Variants in PSME4 observed in about 807,000 individuals in gnomAD.
PSME4 encodes the protein proteasome activator subunit 4, also known as proteasome activator complex subunit 4.
A neutral mutation model predicts 253.9 loss-of-function variants in PSME4; 89 were observed. That is an observed-to-expected ratio of 0.35 (90% CI 0.30 to 0.42). The LOEUF (loss-of-function observed/expected upper bound fraction) is 0.42, where lower values mean the gene tolerates loss of function less well. PSME4 is among the 10% of genes least tolerant of loss of function. The pLI is 1.00. For synonymous variants in PSME4, 851 were observed against 759.2 expected (o/e 1.12, Z -1.99); for missense variants, 2,014 against 2,195.2 (o/e 0.92, Z 1.65).
intron 32 of PSME4, among the ~76,000 whole-genome samples, chr2:53,896,440 A>G (rs1194204740): frequency 6.6e-6 from 1 of 152,206 alleles, no homozygotes; most frequent in Non-Finnish European, 1.5e-5. Flanking sequence ...TTCTTCTGAA[A>G]AATTCTGGTA....
At chr2:53,919,084 C>A in intron 20 of PSME4, 67 bp downstream of exon 20, 1 of 1,454,936 alleles carries the variant, frequency 6.9e-7, no homozygotes. Context: ...CAACAACAAA[C>A]CAATAACTCA....
intron 1 of PSME4, among the ~76,000 whole-genome samples, chr2:53,960,851 T>A (rs1232783766): frequency 6.6e-6 from 1 of 152,212 alleles, no homozygotes; most frequent in Non-Finnish European, 1.5e-5. Flanking sequence ...CTCATACCTG[T>A]AATCCCAGCA....
At chr2:53,892,624 T>C (rs575590681) in intron 36 of PSME4, among the ~76,000 whole-genome samples, 184 bp downstream of exon 36, 7 of 152,308 alleles carry the variant, frequency 4.6e-5, no homozygotes, top group Non-Finnish European at 7.4e-5. Flanking sequence ...TTAAAGATAG[T>C]AAATGTTCCT....
At position 53,940,007 on chromosome 2, in the gene PSME4, G is replaced by A. The variant is rs1022490483; in HGVS notation, c.501-7C>T. ...GAGAATATTTTCTACAGAACTGGGG[G>A]GGGAAAGCCATTTGATAATTAGATT... On this transcript the variant is annotated splice_region_variant and splice_polypyrimidine_tract_variant and intron_variant, in intron 3 of 46. Transcript: ENST00000404125. 21 of 1,564,736 alleles carry A rather than the reference G, an allele frequency of 1.3e-5. No individual in the cohort carries two copies. In the East Asian group the frequency reaches 3.4e-4, roughly 25 times the overall value.
At chr2:53,916,799 C>G (rs1161792647) in intron 20 of PSME4, among the ~76,000 whole-genome samples, 1 of 151,790 alleles carries the variant, frequency 6.6e-6, no homozygotes, top group Non-Finnish European at 1.5e-5. Context: ...CTATACTTTG[C>G]CAAAATAAAG....
At position 53,876,716 on chromosome 2, in the gene PSME4, C is replaced by CTTTTTTTTTTTTTTTTTTTTTTTTT. The variant is rs10599430; in HGVS notation, c.4816-962_4816-961insAAAAAAAAAAAAAAAAAAAAAAAAA. On this transcript the variant is annotated intron_variant, in intron 41 of 46. Coordinates refer to ENST00000404125, the MANE Select transcript of PSME4 (RefSeq NM_014614.3). Reference sequence around the variant, plus strand: ...TCTGATGGCTGTAGCCACTGTCATTCTTTTTTTTTTTTTTTTTTTTGAGAC... The same window carrying CTTTTTTTTTTTTTTTTTTTTTTTTT: ...TCTGATGGCTGTAGCCACTGTCATTCTTTTTTTTTTTTTTTTTTTTTTTTTTTTTTTTTTTTTTTTTTTTTGAGAC... Among the ~76,000 whole-genome samples the CTTTTTTTTTTTTTTTTTTTTTTTTT allele has an allele frequency of 2.4e-3, 232 of 97,826 alleles. 32 individuals carry two copies. The highest frequency in any genetic ancestry group is 5.4e-3 in the East Asian group (13 of 2,390). The allele number at this position is 97,826 out of a possible 152,430, so 64.2% of individuals were successfully genotyped here.
chr2:53,920,350 C>A lies in PSME4; in HGVS notation c.2263G>T (p.Asp755Tyr). The A allele has an allele frequency of 6.2e-7, 1 of 1,607,952 alleles. No homozygotes were observed. Among genetic ancestry groups the A allele is most frequent in the Non-Finnish European group, 8.5e-7 (1 of 1,176,994 alleles). The change falls in exon 19 of 47, where the codon GAC (aspartate) becomes TAC (tyrosine). Residue 755 changes from aspartate (D) to tyrosine (Y), a missense_variant and splice_region_variant. Physicochemically the swap from Asp to Tyr is radical, Grantham distance 160. Transcript: ENST00000404125. Reference sequence around the variant, plus strand: ...CACAAGTCCCCGGGTTTGCCCCAGTCCTAGAAGAGAACAGCATCTACTCAG... The same window carrying A: ...CACAAGTCCCCGGGTTTGCCCCAGTACTAGAAGAGAACAGCATCTACTCAG... ...KPPSEYFPIK[D>Y]WGKPGDLWNL...
At chr2:53,866,424 A>G (rs545318850) in intron 45 of PSME4, among the ~76,000 whole-genome samples, 1 of 152,356 alleles carries the variant, frequency 6.6e-6, no homozygotes, top group Admixed American at 6.5e-5. Context: ...TTCCTATTTA[A>G]TATTAGCTTC....
In PSME4 at chr2:53,895,558, A is replaced by T. The variant is rs368417276; in HGVS notation, c.3842+25T>A. The T allele has an allele frequency of 1.6e-5, 26 of 1,583,140 alleles. No homozygotes were observed. The African/African-American group carries it at 3.5e-4, about 21-fold the overall frequency. ...GCAGTTATATCAAAGGCATTTAATGATAAGGTGCACAGTAAGTTACTTACT... is the reference window on the plus strand; with the variant it reads ...GCAGTTATATCAAAGGCATTTAATGTTAAGGTGCACAGTAAGTTACTTACT... On this transcript the variant is annotated intron_variant, in intron 33 of 46. Coordinates refer to ENST00000404125, the MANE Select transcript of PSME4 (RefSeq NM_014614.3).
intron 20 of PSME4, among the ~76,000 whole-genome samples, chr2:53,915,740 T>C (rs186745659): frequency 2.6e-5 from 4 of 152,222 alleles, no homozygotes; most frequent in South Asian, 4.1e-4. Flanking sequence ...GCTAGAATTT[T>C]ATCTAAGATT....
In PSME4 at chr2:53,908,741, T is replaced by G. The variant is rs557192026; in HGVS notation, c.2629+43A>C. The G allele has an allele frequency of 1.1e-5, 16 of 1,514,464 alleles. No homozygotes were observed. In the East Asian group the frequency reaches 3.6e-4, roughly 34 times the overall value. 93.8% of individuals were successfully genotyped at this position (1,514,464 alleles called of 1,614,324 possible). A position where few individuals can be genotyped will look rare whatever the true frequency, so the allele number is the denominator to read the frequency against. On this transcript the variant is annotated intron_variant, in intron 22 of 46. Transcript: ENST00000404125. The stretch of plus-strand genomic sequence containing the variant: ...GTTATAGATTAAAATTCCAAAATAC[T>G]TATTCCAAAGTACAAATAAGTTAAA...
intron 5 of PSME4, 105 bp from the exon 6 acceptor site, chr2:53,936,932 G>T: frequency 1.4e-6 from 1 of 728,024 alleles, no homozygotes; most frequent in South Asian, 2.2e-5. Context: ...TGATAACTAC[G>T]TTAACTAGAA....
intron 20 of PSME4, among the ~76,000 whole-genome samples, chr2:53,912,010 A>G (rs754080899): frequency 6.6e-5 from 10 of 152,250 alleles, no homozygotes; most frequent in Non-Finnish European, 1.2e-4. Context: ...AAAATCCTGT[A>G]TAAGATTGTA....
chr2:53,917,855 T>A (rs1360273436), intron 20 of PSME4, among the ~76,000 whole-genome samples: 1 of 152,254 alleles, frequency 6.6e-6, no homozygotes, highest in Non-Finnish European at 1.5e-5. Flanking sequence ...AAAAATGAAT[T>A]CTGGTACAAC....
At chr2:53,934,127 G>T (rs1016509569) in intron 8 of PSME4, among the ~76,000 whole-genome samples, 1 of 152,170 alleles carries the variant, frequency 6.6e-6, no homozygotes, top group African/African-American at 2.4e-5. Flanking sequence ...TGAAATCTAA[G>T]CTTGATATGT....
rs1386102470 is a variant in PSME4, at chr2:53,937,505, T to C, written c.581A>G (p.Glu194Gly). 2 of 1,611,858 alleles carry C rather than the reference T, an allele frequency of 1.2e-6. No individual in the cohort carries two copies. Among genetic ancestry groups the C allele is most frequent in the Non-Finnish European group, 1.7e-6 (2 of 1,179,372 alleles). Residue 194 changes from glutamate to glycine, a missense_variant, in exon 5 of 47, where the codon GAA (glutamate) becomes GGA (glycine). By Grantham distance (98) the Glu-to-Gly change is moderately conservative (BLOSUM62 -2). This residue lies in a region of PSME4 where 615 missense variants were observed against 594.4 expected (regional missense o/e 1.03). Coordinates refer to ENST00000404125, the MANE Select transcript of PSME4 (RefSeq NM_014614.3). ...FPADATAEML[E>G]EWRPLMCPFD... ...AGGGCACATTAAAGGTCGCCATTCT[T>C]CTAGCATCTCAGCGGTGGCATCTGC... is the stretch of plus-strand genomic sequence containing the variant.
intron 1 of PSME4, among the ~76,000 whole-genome samples, chr2:53,957,392 A>C (rs181861488): frequency 6.6e-6 from 1 of 152,288 alleles, no homozygotes; most frequent in East Asian, 1.9e-4. Flanking sequence ...ATTTTCCTGC[A>C]ACTTAGATGG....
chr2:53,864,502 T>C lies in PSME4; in HGVS notation c.*1076A>G, dbSNP rs1273458146. On this transcript the variant is annotated 3_prime_UTR_variant, in exon 47 of 47. Transcript: ENST00000404125. ...GAAAATAATTTAAAAACACAAAAAA[T>C]GGCATTCAGTGGGTACAAAGCCCAA... 6.6e-6 allele frequency: 1 copy of C among 151,160 alleles called. No homozygotes were observed. Among genetic ancestry groups the C allele is most frequent in the Non-Finnish European group, 1.5e-5 (1 of 67,812 alleles). The allele number at this position is 151,160 out of a possible 1,614,324, so 9.4% of individuals were successfully genotyped here. A position where few individuals can be genotyped will look rare whatever the true frequency, so the allele number is the denominator to read the frequency against.
intron 27 of PSME4, 35 bp from the exon 28 acceptor site, chr2:53,901,594 G>T (rs748244246): frequency 2.6e-6 from 4 of 1,525,302 alleles, no homozygotes; most frequent in Middle Eastern, 3.9e-4. Context: ...GTTTACATGG[G>T]AAATAAGAGG....
Sources: gnomAD v4.1 joint callset for allele counts (sites outside exome capture counted in the v4.1 genomes callset) on GRCh38, gnomAD v4.1.1 for gene constraint, gnomAD v4.1.1 regional missense constraint, MANE v1.5 for transcripts, NCBI Gene and HGNC (gene_info 2026-07-23, HGNC 2026-07-21) for gene names.